Variants in NRIP1 observed in about 807,000 individuals in gnomAD.
The protein encoded by NRIP1 is nuclear receptor interacting protein 1.
A neutral mutation model predicts 75.0 loss-of-function variants in NRIP1; 28 were observed. That is an observed-to-expected ratio of 0.37 (90% CI 0.28 to 0.51). NRIP1 has a LOEUF of 0.51. NRIP1 is among the 20% of genes least tolerant of loss of function. The pLI is 0.92. For missense variants in NRIP1, 1,435 were observed against 1,343.7 expected (o/e 1.07, Z -1.06); for synonymous variants, 526 against 487.6 (o/e 1.08, Z -1.04).
chr21:14,970,916 T>C (rs975235459), intron 3 of NRIP1, among the ~76,000 whole-genome samples: 9 of 152,228 alleles, frequency 5.9e-5, no homozygotes, highest in Non-Finnish European at 1.2e-4. Flanking sequence ...GATTTGGAAG[T>C]TGATTTAAAA....
intron 3 of NRIP1, among the ~76,000 whole-genome samples, chr21:15,004,539 T>C (rs1344439428): frequency 1.3e-5 from 2 of 152,188 alleles, no homozygotes; most frequent in Non-Finnish European, 1.5e-5. Context: ...ATTTATTTGG[T>C]AGTTAACATT....
At chr21:14,997,982 A>G (rs1354556897) in intron 3 of NRIP1, among the ~76,000 whole-genome samples, 1 of 152,196 alleles carries the variant, frequency 6.6e-6, no homozygotes, top group Admixed American at 6.5e-5. Flanking sequence ...ACACTTTACC[A>G]CCATCCCTAT....
Position 14,974,630 on chromosome 21 carries a change from G to A in NRIP1, c.-334-6104C>T, listed in dbSNP as rs530201460. Among the ~76,000 whole-genome samples the A allele has an allele frequency of 2.0e-5, 3 of 152,270 alleles. No individual in the cohort carries two copies. In the South Asian group the frequency reaches 6.2e-4, roughly 32 times the overall value. On this transcript the variant is annotated intron_variant, in intron 3 of 3. Transcript: ENST00000318948. ...AAATCATAAAAGATGAAAGAATACT[G>A]TCACACACCCTTTGAAGAAAACAGA...
At chr21:15,010,253 C>T (rs1568977340) in intron 3 of NRIP1, among the ~76,000 whole-genome samples, 1 of 152,210 alleles carries the variant, frequency 6.6e-6, no homozygotes, top group East Asian at 1.9e-4. Flanking sequence ...ATCAAGGAGA[C>T]TATCAGGTTC....
At chr21:15,018,678 G>C (rs2088294378) in intron 2 of NRIP1, among the ~76,000 whole-genome samples, 1 of 152,126 alleles carries the variant, frequency 6.6e-6, no homozygotes, top group Admixed American at 6.5e-5. Flanking sequence ...GTTTTTTAAT[G>C]TGTTACCCCA....
chr21:15,062,869 A>G (rs1978433205), intron 1 of NRIP1, among the ~76,000 whole-genome samples: 1 of 152,240 alleles, frequency 6.6e-6, no homozygotes, highest in African/African-American at 2.4e-5. Context: ...ACAATATTTT[A>G]GGGTGTTAAA....
rs572679572 is a variant in NRIP1 at position 14,994,511 on chromosome 21, G to T, written c.-335+19833C>A. Among the ~76,000 whole-genome samples the T allele has an allele frequency of 2.0e-5, 3 of 152,200 alleles. No homozygotes were observed. The South Asian group carries it at 6.2e-4, about 32-fold the overall frequency. ...AATAAAACTATTAGCTTACTGAAAA[G>T]GATCAGCCTTCTGAGTGATATGACA... On this transcript the variant is annotated intron_variant, in intron 3 of 3. Transcript: ENST00000318948.
intron 3 of NRIP1, among the ~76,000 whole-genome samples, chr21:14,980,803 T>A (rs2087213827): frequency 6.6e-6 from 1 of 152,174 alleles, no homozygotes; most frequent in Admixed American, 6.5e-5. Context: ...GTTTTTCATA[T>A]TTTTGATAAA....
Position 14,965,023 on chromosome 21 carries a change from T to C in NRIP1, c.3170A>G (p.Asp1057Gly). The C allele has an allele frequency of 3.1e-6, 5 of 1,613,856 alleles. No homozygotes were observed. The highest frequency in any genetic ancestry group is 3.4e-6 in the Non-Finnish European group (4 of 1,179,922). Reference protein sequence around the residue: ...TDAEKNEYEKDSPRLTKTNPI... With the variant: ...TDAEKNEYEKGSPRLTKTNPI... Reference sequence around the variant, plus strand: ...GTTGGTTTTGGTCAATCTTGGAGAGTCTTTTTCATACTCATTCTTCTCCGC... The same window carrying C: ...GTTGGTTTTGGTCAATCTTGGAGAGCCTTTTTCATACTCATTCTTCTCCGC... The change falls in exon 4 of 4, where the codon GAC becomes GGC. Residue 1057 changes from aspartate (D) to glycine (G), a missense_variant. Asp to Gly is a moderately conservative substitution (Grantham distance 94). Transcript: ENST00000318948.
chr21:14,964,674 C>G lies in NRIP1; in HGVS notation c.*42G>C. 7.3e-7 allele frequency: 1 copy of G among 1,366,954 alleles called. No individual in the cohort carries two copies. Among genetic ancestry groups the G allele is most frequent in the Non-Finnish European group, 1.0e-6 (1 of 1,004,006 alleles). 84.7% of individuals were successfully genotyped at this position (1,366,954 alleles called of 1,614,324 possible). On this transcript the variant is annotated 3_prime_UTR_variant, in exon 4 of 4. Coordinates refer to ENST00000318948, the MANE Select transcript of NRIP1 (RefSeq NM_003489.4). The stretch of plus-strand genomic sequence containing the variant: ...TTTATACAGATCTCAAGTTCATACT[C>G]ATTAGTTTTAAAAAGATCCAAAACT...
chr21:14,983,510 A>G (rs1268406897), intron 3 of NRIP1, among the ~76,000 whole-genome samples: 1 of 152,256 alleles, frequency 6.6e-6, no homozygotes, highest in African/African-American at 2.4e-5. Flanking sequence ...AGAAAAGCTC[A>G]GCAAGAAAAG....
In NRIP1 at chr21:15,056,985, C is replaced by A. The variant is rs537977204; in HGVS notation, c.-538+7760G>T. ...TGTACTATGTGCCACAAAGCTCCCC[C>A]ACTCAACAATCTCCCTCCTGACACA... is the stretch of plus-strand genomic sequence containing the variant. On this transcript the variant is annotated intron_variant, in intron 1 of 3. Coordinates refer to ENST00000318948, the MANE Select transcript of NRIP1 (RefSeq NM_003489.4). Among the ~76,000 whole-genome samples the A allele has an allele frequency of 1.6e-4, 24 of 152,294 alleles. No individual in the cohort carries two copies. In the South Asian group the frequency reaches 2.3e-3, roughly 14 times the overall value.
intron 2 of NRIP1, among the ~76,000 whole-genome samples, chr21:15,029,771 AC>A (rs1446624829): frequency 6.6e-6 from 1 of 151,946 alleles, no homozygotes; most frequent in African/African-American, 2.4e-5. Flanking sequence ...AGCTATGCTA[AC>A]CCCACTGCAC....
chr21:15,054,529 AG>A (rs1352781579), intron 1 of NRIP1, among the ~76,000 whole-genome samples: 1 of 152,236 alleles, frequency 6.6e-6, no homozygotes, highest in Non-Finnish European at 1.5e-5. Context: ...CCTCATAATT[AG>A]TATGCCTGGA....
chr21:14,983,634 T>C (rs2103466), intron 3 of NRIP1, among the ~76,000 whole-genome samples: 110,509 of 152,138 alleles, frequency 0.73, 41,291 homozygotes, highest in East Asian at 0.93. Context: ...AGAAATTTCA[T>C]AGCTAGAGAG....
chr21:15,019,362 A>T (rs1204109611), intron 2 of NRIP1, among the ~76,000 whole-genome samples: 1 of 150,400 alleles, frequency 6.6e-6, no homozygotes, highest in African/African-American at 2.4e-5. Flanking sequence ...TATGCAGGTA[A>T]CATGATCTTG....
At chr21:15,061,239 G>T (rs1042688146) in intron 1 of NRIP1, among the ~76,000 whole-genome samples, 2 of 152,092 alleles carry the variant, frequency 1.3e-5, no homozygotes, top group African/African-American at 4.8e-5. Context: ...TTGCTAGAAC[G>T]GCAAATGCTT....
At chr21:15,033,224 C>CA (rs11379755) in intron 2 of NRIP1, among the ~76,000 whole-genome samples, 27,150 of 110,380 alleles carry the variant, frequency 0.25, 3,687 homozygotes, top group African/African-American at 0.43. Flanking sequence ...GACTCTGTCT[C>CA]AAAAAAAAAA....
At chr21:15,055,810 T>A (rs1022693829) in intron 1 of NRIP1, among the ~76,000 whole-genome samples, 2 of 152,184 alleles carry the variant, frequency 1.3e-5, no homozygotes, top group Non-Finnish European at 2.9e-5. Context: ...TCTTAAGGAC[T>A]CAATTTCTTC....
Sources: allele counts gnomAD v4.1 joint callset (sites outside exome capture counted in the v4.1 genomes callset), GRCh38; gene constraint gnomAD v4.1.1; transcripts MANE v1.5; gene names NCBI Gene and HGNC (gene_info 2026-07-23, HGNC 2026-07-21).